PACS1: variants seen among roughly 807,000 people sequenced by gnomAD.
PACS1 encodes PACS-1.
PACS1 carries 24 observed loss-of-function variants against 115.0 expected under a neutral mutation model. That is an observed-to-expected ratio of 0.21 (90% CI 0.15 to 0.29). The LOEUF is 0.29. PACS1 is among the 10% of genes least tolerant of loss of function. PACS1 has a pLI of 1.00. For synonymous variants in PACS1, 453 were observed against 504.5 expected, an observed-to-expected ratio of 0.90 and a Z score of 1.37; for missense variants, 838 against 1,251.2, an observed-to-expected ratio of 0.67 and a Z score of 4.98.
At chr11:66,090,558 C>T (rs951845501) in intron 1 of PACS1, among the ~76,000 whole-genome samples, 4 of 152,078 alleles carry the variant, frequency 2.6e-5, no homozygotes, top group African/African-American at 7.2e-5. Flanking sequence ...CATCAGCCAC[C>T]GTGCCCTGCC....
intron 1 of PACS1, among the ~76,000 whole-genome samples, chr11:66,098,762 T>G (rs1396392003): frequency 1.3e-5 from 2 of 152,242 alleles, no homozygotes; most frequent in Non-Finnish European, 2.9e-5. Flanking sequence ...TCATCCCGGT[T>G]GTTCTTGTCC....
chr11:66,120,975 C>T (rs1254050454), intron 1 of PACS1: 1 of 456,108 alleles, frequency 2.2e-6, no homozygotes, highest in Non-Finnish European at 4.4e-6. Flanking sequence ...TGTGTGCGGG[C>T]CCTACCTCCT....
intron 7 of PACS1, chr11:66,217,089 G>A: frequency 2.6e-6 from 1 of 387,442 alleles, no homozygotes; most frequent in Non-Finnish European, 4.8e-6. Flanking sequence ...CACTCCAGTG[G>A]CTGCTTCATG....
intron 1 of PACS1, among the ~76,000 whole-genome samples, chr11:66,186,623 T>C (rs2134663283): frequency 6.6e-6 from 1 of 152,394 alleles, no homozygotes; most frequent in East Asian, 1.9e-4. Context: ...ACATTTTGTC[T>C]GCTTTGTTTA....
chr11:66,070,611 C>CGCAGCAGCAGCA lies in PACS1; in HGVS notation c.133_134insAGCAGCAGCAGC (p.Gln44_Pro45insGlnGlnGlnGln). 1.3e-6 allele frequency: 2 copies of CGCAGCAGCAGCA among 1,530,190 alleles called. No individual in the cohort carries two copies. The highest frequency in any genetic ancestry group is 1.2e-5 in the South Asian group (1 of 83,632). The allele number at this position is 1,530,190 out of a possible 1,614,324, so 94.8% of individuals were successfully genotyped here. On this transcript the variant is annotated inframe_insertion, in exon 1 of 24. Coordinates refer to ENST00000320580, the MANE Select transcript of PACS1 (RefSeq NM_018026.4). This position sits in a 1 kb window ranked among gnomAD's most constrained non-coding sequence, Gnocchi z 5.9. Reference sequence around the variant, plus strand: ...CCGCAGCAGCAGCAGCAGCAGCCGCCGCAGCAGCCGACGCCCCCCAAGCTG... The same window carrying CGCAGCAGCAGCA: ...CCGCAGCAGCAGCAGCAGCAGCCGCCGCAGCAGCAGCAGCAGCAGCCGACGCCCCCCAAGCTG...
chr11:66,114,272 G>T (rs1278448011), intron 1 of PACS1, among the ~76,000 whole-genome samples: 1 of 151,984 alleles, frequency 6.6e-6, no homozygotes, highest in Non-Finnish European at 1.5e-5. Flanking sequence ...CAAAAAATTA[G>T]CCGGGAGTAG....
intron 1 of PACS1, among the ~76,000 whole-genome samples, chr11:66,096,684 G>A (rs573289961): frequency 1.7e-4 from 25 of 150,626 alleles, no homozygotes; most frequent in African/African-American, 5.6e-4. Context: ...TTTTTATTTT[G>A]TGGAGACGGG....
intron 3 of PACS1, 123 bp from the exon 4 acceptor site, chr11:66,211,011 A>G: frequency 8.5e-7 from 1 of 1,176,624 alleles, no homozygotes; most frequent in African/African-American, 1.5e-5. Context: ...TCTCCTTTCA[A>G]CCCTGACTGC....
chr11:66,234,450 A>G (rs993019289), intron 17 of PACS1, among the ~76,000 whole-genome samples: 1 of 152,156 alleles, frequency 6.6e-6, no homozygotes, highest in Non-Finnish European at 1.5e-5. Context: ...ATCCTCTGCT[A>G]TTTGCTCTGC....
intron 2 of PACS1, among the ~76,000 whole-genome samples, chr11:66,200,394 C>T (rs767717612): frequency 4.0e-5 from 6 of 151,208 alleles, no homozygotes; most frequent in African/African-American, 7.3e-5. Flanking sequence ...CTATCGCCTA[C>T]GAGAATCACA....
chr11:66,195,644 A>C (rs527415852), intron 2 of PACS1, among the ~76,000 whole-genome samples: 1 of 152,208 alleles, frequency 6.6e-6, no homozygotes, highest in Non-Finnish European at 1.5e-5. Flanking sequence ...TGAATTTTTA[A>C]ATTGTTCTAC....
chr11:66,138,787 A>T lies in PACS1; in HGVS notation c.357-54699A>T, dbSNP rs1198332468. On this transcript the variant is annotated intron_variant, in intron 1 of 23. Transcript: ENST00000320580. ...AACCTCCGCCTCCCGGGTTCAAGTG[A>T]TTCTCCTGCCTCAGCCTCCCGAGTA... is the stretch of plus-strand genomic sequence containing the variant. Among the ~76,000 whole-genome samples the T allele has an allele frequency of 3.3e-5, 5 of 151,216 alleles. No homozygotes were observed. The South Asian group carries it at 8.3e-4, about 25-fold the overall frequency.
chr11:66,198,696 G>A (rs559426140), intron 2 of PACS1, among the ~76,000 whole-genome samples: 23 of 152,266 alleles, frequency 1.5e-4, no homozygotes, highest in South Asian at 1.0e-3. Context: ...GTTGCACAGC[G>A]CTGAACATAG....
chr11:66,096,239 A>G lies in PACS1; in HGVS notation c.356+25397A>G, dbSNP rs1367404603. On this transcript the variant is annotated intron_variant, in intron 1 of 23. Transcript: ENST00000320580. ...TTTTTTTTTTTTTTTTTTTTGATGT[A>G]GGGTGTTTCGCTGTGTCACCAAGGC... 7.4e-5 allele frequency among the ~76,000 whole-genome samples: 8 copies of G among 107,766 alleles called. No homozygotes were observed. In the East Asian group the frequency reaches 1.7e-3, roughly 22 times the overall value. The allele number at this position is 107,766 out of a possible 152,430, so 70.7% of individuals were successfully genotyped here.
At chr11:66,086,224 G>GC (rs1290225006) in intron 1 of PACS1, among the ~76,000 whole-genome samples, 2 of 144,818 alleles carry the variant, frequency 1.4e-5, no homozygotes, top group East Asian at 2.1e-4. Context: ...TGCAGGCTCC[G>GC]CCCCCCGGGG....
In PACS1 at chr11:66,070,643, G is replaced by T; in HGVS notation, c.157G>T (p.Ala53Ser). 6.4e-7 allele frequency: 1 copy of T among 1,559,918 alleles called. No individual in the cohort carries two copies. The highest frequency in any genetic ancestry group is 2.5e-5 in the East Asian group (1 of 40,644). Residue 53 changes from alanine (A) to serine (S), a missense_variant, in exon 1 of 24, where the codon GCC (alanine) becomes TCC (serine). Ala to Ser is a moderately conservative substitution (Grantham distance 99, BLOSUM62 1). Around this residue, in one of 6 missense-constraint regions of PACS1, gnomAD observed 129 missense variants for 109.4 expected, o/e 1.18. Transcript: ENST00000320580. The surrounding 1 kb of genome is among the most constrained non-coding windows in gnomAD (Gnocchi z 5.9). ...GCCGACGCCCCCCAAGCTGGCCCAG[G>T]CCACCTCGTCGTCCTCGTCCACCTC... ...QQPTPPKLAQ[A>S]TSSSSSTSAA...
intron 2 of PACS1, among the ~76,000 whole-genome samples, chr11:66,202,543 G>C (rs1854824594): frequency 6.6e-6 from 1 of 151,544 alleles, no homozygotes; most frequent in African/African-American, 2.4e-5. Context: ...ATCAATTAAT[G>C]TGATACATCA....
Position 66,242,821 on chromosome 11 carries a change from G to A in PACS1, c.2657-91G>A, listed in dbSNP as rs1255798449. ...GTTGGTTTGCAGATCACCTCCCCTC[G>A]CCACAGGAAGAAGGGGACAGTCGGC... On this transcript the variant is annotated intron_variant, in intron 22 of 23. Transcript: ENST00000320580. 27 of 1,559,046 alleles carry A rather than the reference G, an allele frequency of 1.7e-5. No individual in the cohort carries two copies. The East Asian group carries it at 1.8e-4, about 10-fold the overall frequency.
intron 1 of PACS1, among the ~76,000 whole-genome samples, chr11:66,139,137 T>TTA (rs1590771982): frequency 6.6e-6 from 1 of 152,202 alleles, no homozygotes; most frequent in East Asian, 1.9e-4. Context: ...CTGTTTACCT[T>TTA]TAGTTTTCAT....
Sources: allele counts gnomAD v4.1 joint callset (sites outside exome capture counted in the v4.1 genomes callset), GRCh38; gene constraint gnomAD v4.1.1; regional missense constraint gnomAD v4.1.1; non-coding constraint Gnocchi (gnomAD v3.1); transcripts MANE v1.5; gene names NCBI Gene and HGNC (gene_info 2026-07-23, HGNC 2026-07-21).